The following SCOC variants were observed in gnomAD, a reference collection of about 807,000 sequenced individuals.
SCOC encodes the protein short coiled-coil protein, also known as short coiled coil protein.
Under a neutral mutation model 9.9 loss-of-function variants are expected in SCOC, and 7 were observed. That is an observed-to-expected ratio of 0.71 (90% CI 0.40 to 1.33). SCOC has a LOEUF of 1.33. Ranked by LOEUF, SCOC falls within the 40% of genes most tolerant of loss-of-function variation. The pLI, the probability that SCOC is intolerant of heterozygous loss-of-function variation, is 0.01. For synonymous variants in SCOC, 19 were observed against 28.2 expected (o/e 0.67, Z 1.03); for missense variants, 66 against 89.7 (o/e 0.74, Z 1.07).
chr4:140,301,160 T>C (rs1361635755), intron 1 of SCOC, among the ~76,000 whole-genome samples: 6 of 152,166 alleles, frequency 3.9e-5, no homozygotes, highest in Non-Finnish European at 8.8e-5. Flanking sequence ...GATGGAGGCA[T>C]GGTTGAAGTC....
chr4:140,362,254 CGGCTAAAGACA>C (rs1438525387), intron 2 of SCOC, among the ~76,000 whole-genome samples: 1 of 100,914 alleles, frequency 9.9e-6, no homozygotes, highest in East Asian at 3.3e-4. Context: ...AACTAAAGAC[CGGCTAAAGACA>C]GGTGTGTCCT....
At chr4:140,294,075 C>T (rs921856351) in intron 1 of SCOC, among the ~76,000 whole-genome samples, 22 of 152,152 alleles carry the variant, frequency 1.4e-4, no homozygotes, top group African/African-American at 5.1e-4. Context: ...CACTTGTAAC[C>T]AGGGCCTAAA....
In SCOC at chr4:140,287,136, T is replaced by G. The variant is rs1422572132; in HGVS notation, c.-19+29726T>G. 3.3e-5 allele frequency among the ~76,000 whole-genome samples: 5 copies of G among 151,574 alleles called. No individual in the cohort carries two copies. In the East Asian group the frequency reaches 9.7e-4, roughly 29 times the overall value. ...GTACACACATGCTACACACACATCA[T>G]GTGCACATGCCACACAGACCATGTA... On this transcript the variant is annotated intron_variant, in intron 1 of 4. Coordinates refer to the SCOC transcript ENST00000394205.
At chr4:140,293,343 G>A (rs538103145) in intron 1 of SCOC, 33 of 456,856 alleles carry the variant, frequency 7.2e-5, no homozygotes, top group Non-Finnish European at 1.2e-4. Context: ...GTTTCCTCAC[G>A]TCACTCCTGG....
chr4:140,293,376 G>T (rs1197144501), intron 1 of SCOC: 1 of 456,816 alleles, frequency 2.2e-6, no homozygotes, highest in African/African-American at 2.0e-5. Context: ...CTTCTGAGCA[G>T]GGCACGCCAA....
chr4:140,327,278 T>A (rs1300340624), intron 1 of SCOC, among the ~76,000 whole-genome samples: 1 of 152,216 alleles, frequency 6.6e-6, no homozygotes, highest in Admixed American at 6.5e-5. Flanking sequence ...GCTGTCTTTG[T>A]CTTCAGTCTT....
At chr4:140,293,276 C>A (rs1191292728) in intron 1 of SCOC, 1 of 456,398 alleles carries the variant, frequency 2.2e-6, no homozygotes. Context: ...AAGATGGGCT[C>A]CTCCTTGTCA....
chr4:140,350,207 C>T (rs950361747), intron 2 of SCOC, among the ~76,000 whole-genome samples: 1 of 152,086 alleles, frequency 6.6e-6, no homozygotes. Context: ...TGTTAGATTT[C>T]CTTTCTCCTT....
intron 1 of SCOC, among the ~76,000 whole-genome samples, chr4:140,279,029 C>G (rs1336274598): frequency 6.6e-6 from 1 of 152,208 alleles, no homozygotes; most frequent in Admixed American, 6.5e-5. Context: ...CTTACCTTTC[C>G]ACCTCATCTT....
chr4:140,261,599 G>A (rs879367621), intron 1 of SCOC, among the ~76,000 whole-genome samples: 4 of 152,214 alleles, frequency 2.6e-5, no homozygotes, highest in Admixed American at 1.3e-4. Context: ...CTTGCTAAAT[G>A]ATGTGATGAA....
upstream of SCOC, among the ~76,000 whole-genome samples, chr4:140,368,751 T>A (rs1366371713): frequency 1.3e-5 from 2 of 152,202 alleles, no homozygotes; most frequent in African/African-American, 2.4e-5. Flanking sequence ...GATGCATTCA[T>A]CTTGTGTGCA....
intron 1 of SCOC, among the ~76,000 whole-genome samples, chr4:140,259,404 C>T (rs1730579783): frequency 6.6e-6 from 1 of 152,194 alleles, no homozygotes; most frequent in African/African-American, 2.4e-5. Context: ...TGTCTACCTA[C>T]TGCACATATT....
intron 2 of SCOC, among the ~76,000 whole-genome samples, chr4:140,365,404 T>G (rs971736348): frequency 6.6e-6 from 1 of 152,216 alleles, no homozygotes; most frequent in African/African-American, 2.4e-5. Flanking sequence ...TGCTTTTGAC[T>G]TCTTGGACAA....
chr4:140,381,798 C>A lies in SCOC; in HGVS notation c.*694C>A, dbSNP rs1017628306. On this transcript the variant is annotated 3_prime_UTR_variant, in exon 4 of 4. Coordinates refer to ENST00000608372, the MANE Select transcript of SCOC (RefSeq NM_001153484.2). ...TGGGAATATTTGTTGTTAAAAACTTCTTTTTGCCCAAAATAACTCATTTTG... is the reference window on the plus strand; with the variant it reads ...TGGGAATATTTGTTGTTAAAAACTTATTTTTGCCCAAAATAACTCATTTTG... 6.6e-6 allele frequency: 1 copy of A among 152,104 alleles called. No individual in the cohort carries two copies. The highest frequency in any genetic ancestry group is 1.9e-4 in the East Asian group (1 of 5,200). The allele number at this position is 152,104 out of a possible 1,614,324, so 9.4% of individuals were successfully genotyped here.
chr4:140,274,160 C>T (rs770701613), intron 1 of SCOC, among the ~76,000 whole-genome samples: 6 of 152,044 alleles, frequency 3.9e-5, no homozygotes, highest in African/African-American at 7.3e-5. Context: ...AATAGATGAG[C>T]GAGTTTAACT....
At position 140,373,903 on chromosome 4, in the gene SCOC, G is replaced by A. The variant is rs1422133395; in HGVS notation, c.-51+186G>A. 8 of 724,840 alleles carry A rather than the reference G, an allele frequency of 1.1e-5. No individual in the cohort carries two copies. In the South Asian group the frequency reaches 1.2e-4, roughly 11 times the overall value. 44.9% of individuals were successfully genotyped at this position (724,840 alleles called of 1,614,324 possible). A position where few individuals can be genotyped will look rare whatever the true frequency, so the allele number is the denominator to read the frequency against. On this transcript the variant is annotated intron_variant, in intron 1 of 3. Coordinates refer to ENST00000608372, the MANE Select transcript of SCOC (RefSeq NM_001153484.2). The stretch of plus-strand genomic sequence containing the variant: ...AGGCCTGGCTCCCGGCAGAACCCTT[G>A]CGCGACCTCTTTTTCTCCTGTTTTC...
At chr4:140,284,159 T>G (rs1419606370) in intron 1 of SCOC, 1 of 152,074 alleles carries the variant, frequency 6.6e-6, no homozygotes, top group African/African-American at 2.4e-5. Context: ...TGTTCAATTT[T>G]CCTAAATGTC....
chr4:140,357,039 G>A (rs1450904453), intron 2 of SCOC, among the ~76,000 whole-genome samples: 2 of 152,026 alleles, frequency 1.3e-5, no homozygotes, highest in African/African-American at 2.4e-5. Flanking sequence ...GTGCAATCTC[G>A]GCTCACTGCA....
At chr4:140,331,954 C>A (rs1732825770) in intron 1 of SCOC, among the ~76,000 whole-genome samples, 1 of 152,088 alleles carries the variant, frequency 6.6e-6, no homozygotes, top group Non-Finnish European at 1.5e-5. Context: ...CCTCAGGGAG[C>A]TTTTACTCAT....
Sources: allele counts gnomAD v4.1 joint callset (sites outside exome capture counted in the v4.1 genomes callset), GRCh38; gene constraint gnomAD v4.1.1; transcripts MANE v1.5; gene names NCBI Gene and HGNC (gene_info 2026-07-23, HGNC 2026-07-21).